Variants in MYO1H observed in about 807,000 individuals in gnomAD.
MYO1H encodes the protein myosin IH, also known as unconventional myosin-Ih.
MYO1H carries 118 observed loss-of-function variants against 149.3 expected under a neutral mutation model. That is an observed-to-expected ratio of 0.79 (90% CI 0.68 to 0.92). MYO1H has a LOEUF of 0.92. Ranked by LOEUF, MYO1H falls within the 40% of genes least tolerant of loss-of-function variation. The pLI is 0.00. For missense variants in MYO1H, 1,212 were observed against 1,280.7 expected (o/e 0.95, Z 0.82); for synonymous variants, 447 against 465.2 (o/e 0.96, Z 0.50).
In MYO1H at chr12:109,441,407, C is replaced by G. The variant is rs139027100; in HGVS notation, c.2539-208C>G. On this transcript the variant is annotated intron_variant, in intron 25 of 31. Coordinates refer to ENST00000310903, the Ensembl canonical transcript of MYO1H. Reference sequence around the variant, plus strand: ...CACTTTCAGGAAGGTAGTAAGGGAACGAGCAGAAACGTCAACCCAGTCTCT... The same window carrying G: ...CACTTTCAGGAAGGTAGTAAGGGAAGGAGCAGAAACGTCAACCCAGTCTCT... Among the ~76,000 whole-genome samples, 45 of 152,148 alleles carry G rather than the reference C, an allele frequency of 3.0e-4. No homozygotes were observed. In the East Asian group the frequency reaches 8.3e-3, roughly 28 times the overall value.
At chr12:109,388,834 A>G (rs199903998) in exon 2 of MYO1H, 4 of 1,609,366 alleles carry the variant, frequency 2.5e-6, no homozygotes, top group Non-Finnish European at 2.5e-6. Context: ...TTCAGCGAGA[A>G]CCTCATATAC....
intron 10 of MYO1H, among the ~76,000 whole-genome samples, chr12:109,408,619 G>A (rs887364821): frequency 6.6e-6 from 1 of 152,102 alleles, no homozygotes. Context: ...ATAAAAAAGG[G>A]ATTTAATCCA....
intron 1 of MYO1H, among the ~76,000 whole-genome samples, chr12:109,373,172 C>T (rs1291536335): frequency 6.6e-6 from 1 of 152,038 alleles, no homozygotes; most frequent in African/African-American, 2.4e-5. Context: ...TCAGCAGATG[C>T]TTTTCTTCTC....
chr12:109,446,462 AC>A, intron 31 of MYO1H: 1 of 985,438 alleles, frequency 1.0e-6, no homozygotes, highest in Non-Finnish European at 1.2e-6. Flanking sequence ...AAGTGGATTT[AC>A]CTATAAAGTC....
At chr12:109,329,842 G>A in the MYO1H span, among the ~76,000 whole-genome samples, 1 of 152,196 alleles carries the variant, frequency 6.6e-6, no homozygotes, top group African/African-American at 2.4e-5. Context: ...ACACTTGGAC[G>A]ATAGTATGCA....
In MYO1H at chr12:109,442,395, C is replaced by G. The variant is rs1185257548; in HGVS notation, c.2688+123C>G. On this transcript the variant is annotated intron_variant, in intron 27 of 31. Transcript: ENST00000310903. Reference sequence around the variant, plus strand: ...GGGGTGCAGCTGGGCAGCTGGGGCTCTCAACTGTGATGCTTTGGGTATTAA... The same window carrying G: ...GGGGTGCAGCTGGGCAGCTGGGGCTGTCAACTGTGATGCTTTGGGTATTAA... The G allele has an allele frequency of 5.4e-6, 4 of 741,864 alleles. No homozygotes were observed. The East Asian group carries it at 7.9e-5, about 15-fold the overall frequency. The allele number at this position is 741,864 out of a possible 1,614,324, so 46.0% of individuals were successfully genotyped here. A position where few individuals can be genotyped will look rare whatever the true frequency, so the allele number is the denominator to read the frequency against.
intron 1 of MYO1H, among the ~76,000 whole-genome samples, chr12:109,361,429 T>G (rs1277024377): frequency 3.3e-5 from 5 of 152,100 alleles, no homozygotes; most frequent in Non-Finnish European, 5.9e-5. Flanking sequence ...CTTAAAAAAA[T>G]CAAACTAGTT....
the MYO1H span, among the ~76,000 whole-genome samples, chr12:109,318,980 T>TTTG: frequency 7.1e-4 from 96 of 136,146 alleles, 1 homozygote; most frequent in African/African-American, 2.6e-3. Flanking sequence ...TTGTTTTTTT[T>TTTG]TTTTTTTTTT....
At chr12:109,312,629 T>C in the MYO1H span, among the ~76,000 whole-genome samples, 2 of 152,136 alleles carry the variant, frequency 1.3e-5, no homozygotes, top group Non-Finnish European at 2.9e-5. Context: ...AGTTTTCCAA[T>C]GGTGAGGAGG....
chr12:109,323,906 G>A, the MYO1H span, among the ~76,000 whole-genome samples: 177 of 152,130 alleles, frequency 1.2e-3, no homozygotes, highest in South Asian at 4.0e-3. Flanking sequence ...TTGGTCAGAT[G>A]TGGTGGCTAA....
At chr12:109,427,539 A>G (rs1871404092) in exon 19 of MYO1H, 12 of 1,613,094 alleles carry the variant, frequency 7.4e-6, no homozygotes, top group Non-Finnish European at 1.0e-5. Flanking sequence ...TGCGGGTGAG[A>G]CGGGCTGGTT....
the MYO1H span, among the ~76,000 whole-genome samples, chr12:109,312,790 G>T: frequency 2.9e-4 from 42 of 145,586 alleles, no homozygotes; most frequent in South Asian, 1.5e-3. Flanking sequence ...GTTTTGTTTT[G>T]TTTTTTTTTT....
At chr12:109,415,906 CATTTTATTTTATTTTATTTT>C (rs78343064) in intron 15 of MYO1H, among the ~76,000 whole-genome samples, 18 of 144,482 alleles carry the variant, frequency 1.2e-4, no homozygotes, top group Admixed American at 2.8e-4. Flanking sequence ...TACCACCATT[CATTTTATTTTATTTTATTTT>C]ATTTTATTTT....
chr12:109,435,917 G>A (rs1237192785), intron 21 of MYO1H, among the ~76,000 whole-genome samples: 1 of 152,192 alleles, frequency 6.6e-6, no homozygotes, highest in Non-Finnish European at 1.5e-5. Flanking sequence ...AGGCCAGTGG[G>A]GCCTGAGCCA....
At chr12:109,396,575 T>G in exon 4 of MYO1H, 1 of 1,610,868 alleles carries the variant, frequency 6.2e-7, no homozygotes, top group Non-Finnish European at 8.5e-7. Flanking sequence ...TCCAACCCAG[T>G]GCTGGAGGTA....
At chr12:109,437,002 G>A (rs184492267) in intron 22 of MYO1H, among the ~76,000 whole-genome samples, 99 of 152,246 alleles carry the variant, frequency 6.5e-4, no homozygotes, top group Admixed American at 1.8e-3. Flanking sequence ...CTACTTGGAG[G>A]GCTGATGCAG....
the MYO1H span, among the ~76,000 whole-genome samples, chr12:109,320,381 G>A: frequency 2.0e-5 from 3 of 151,298 alleles, no homozygotes; most frequent in Non-Finnish European, 4.4e-5. Flanking sequence ...AGGCCAAGGT[G>A]GGGGGATCAC....
At chr12:109,442,314 A>C in intron 27 of MYO1H, 42 bp downstream of exon 27, 7 of 1,575,082 alleles carry the variant, frequency 4.4e-6, no homozygotes, top group Non-Finnish European at 6.1e-6. Context: ...GGATTCCCTC[A>C]TCGAGTCTAA....
intron 23 of MYO1H, 30 bp from the exon 24 acceptor site, chr12:109,439,601 A>C (rs1217997761): frequency 3.8e-6 from 6 of 1,586,868 alleles, no homozygotes; most frequent in Admixed American, 3.5e-5. Flanking sequence ...GAAATGGTCC[A>C]GAAAAGTAAG....
Sources: gnomAD v4.1 joint callset for allele counts (sites outside exome capture counted in the v4.1 genomes callset) on GRCh38, gnomAD v4.1.1 for gene constraint, MANE v1.5 for transcripts, NCBI Gene and HGNC (gene_info 2026-07-23, HGNC 2026-07-21) for gene names.